The following KIAA0825 variants were observed in gnomAD, a reference collection of about 807,000 sequenced individuals.
KIAA0825 encodes the protein KIAA0825.
In KIAA0825, 119 loss-of-function variants were observed where a neutral mutation model predicts 147.6. That is an observed-to-expected ratio of 0.81 (90% CI 0.69 to 0.94). The LOEUF is 0.94. Ranked by LOEUF, KIAA0825 falls within the 40% of genes least tolerant of loss-of-function variation. The pLI, the probability that KIAA0825 is intolerant of heterozygous loss-of-function variation, is 0.00. For synonymous variants in KIAA0825, 470 were observed against 518.1 expected (o/e 0.91, Z 1.26); for missense variants, 1,381 against 1,472.7 (o/e 0.94, Z 1.02).
chr5:94,318,104 C>T (rs1415750599), intron 20 of KIAA0825, among the ~76,000 whole-genome samples: 1 of 151,174 alleles, frequency 6.6e-6, no homozygotes, highest in Non-Finnish European at 1.5e-5. Context: ...TAGTCAAAGG[C>T]AAAAATTAAA....
chr5:94,585,854 T>G (rs1427911460), intron 1 of KIAA0825, among the ~76,000 whole-genome samples: 1 of 152,158 alleles, frequency 6.6e-6, no homozygotes, highest in Non-Finnish European at 1.5e-5. Flanking sequence ...CACACCACAG[T>G]GCAATCAAAT....
chr5:94,438,951 C>CG (rs1756722430), intron 14 of KIAA0825, among the ~76,000 whole-genome samples: 1 of 152,122 alleles, frequency 6.6e-6, no homozygotes, highest in African/African-American at 2.4e-5. Flanking sequence ...AAGAGATTAG[C>CG]GTTAAGACAG....
At chr5:94,383,978 AGTT>A (rs1183683579) in intron 20 of KIAA0825, among the ~76,000 whole-genome samples, 4 of 152,174 alleles carry the variant, frequency 2.6e-5, no homozygotes, top group Admixed American at 6.5e-5. Context: ...GCATTCATTA[AGTT>A]GTTGTAAACA....
Position 94,439,973 on chromosome 5 carries a change from CAT to C in KIAA0825, c.2497+7_2497+8del. On this transcript the variant is annotated splice_region_variant and intron_variant, in intron 14 of 20. Coordinates refer to ENST00000682413, the MANE Select transcript of KIAA0825 (RefSeq NM_001145678.3). ...TTTCGAGGACATTCTTATAACTACA[CAT>C]ACTCACTTGAGCTCTTCAGCAAGAT... The C allele has an allele frequency of 6.5e-7, 1 of 1,550,366 alleles. No homozygotes were observed. Among genetic ancestry groups the C allele is most frequent in the Non-Finnish European group, 8.7e-7 (1 of 1,146,318 alleles).
intron 14 of KIAA0825, among the ~76,000 whole-genome samples, chr5:94,428,144 TGTGTGTG>T (rs1755154018): frequency 6.3e-4 from 1 of 1,588 alleles, no homozygotes; most frequent in Non-Finnish European, 2.6e-3. Context: ...AAGGTCTTGT[TGTGTGTG>T]TGTGTGTGTG....
chr5:94,435,061 T>C (rs1756161788), intron 14 of KIAA0825, among the ~76,000 whole-genome samples: 1 of 152,124 alleles, frequency 6.6e-6, no homozygotes, highest in African/African-American at 2.4e-5. Flanking sequence ...TTTTTATTCC[T>C]GAGACAATTT....
At chr5:94,426,377 T>C (rs1007465038) in intron 14 of KIAA0825, among the ~76,000 whole-genome samples, 2 of 152,114 alleles carry the variant, frequency 1.3e-5, no homozygotes, top group African/African-American at 4.8e-5. Flanking sequence ...TATTGAGCCA[T>C]AAAAATAATA....
chr5:94,451,465 C>T (rs1758391614), intron 13 of KIAA0825, among the ~76,000 whole-genome samples: 1 of 152,138 alleles, frequency 6.6e-6, no homozygotes, highest in South Asian at 2.1e-4. Flanking sequence ...TACTAAACTG[C>T]CCTCATGAAT....
At chr5:94,177,802 T>C (rs958026253) in intron 20 of KIAA0825, among the ~76,000 whole-genome samples, 7 of 152,130 alleles carry the variant, frequency 4.6e-5, no homozygotes, top group South Asian at 4.1e-4. Context: ...AAAATATTAG[T>C]GTGTAGAAAT....
At chr5:94,616,993 T>C (rs946235056) in intron 1 of KIAA0825, among the ~76,000 whole-genome samples, 7 of 152,236 alleles carry the variant, frequency 4.6e-5, no homozygotes, top group Non-Finnish European at 1.0e-4. Context: ...TGCCATTTAA[T>C]TGTATAATTT....
At chr5:94,207,583 C>T (rs1772321131) in intron 20 of KIAA0825, among the ~76,000 whole-genome samples, 1 of 152,198 alleles carries the variant, frequency 6.6e-6, no homozygotes. Context: ...TGCATATTCT[C>T]AAGTATCCTG....
At chr5:94,587,067 C>G (rs1001705926) in intron 1 of KIAA0825, among the ~76,000 whole-genome samples, 2 of 152,122 alleles carry the variant, frequency 1.3e-5, no homozygotes, top group African/African-American at 4.8e-5. Context: ...CTATTTATGA[C>G]AAACCTACAG....
At chr5:94,419,025 A>T (rs1448677655) in intron 14 of KIAA0825, among the ~76,000 whole-genome samples, 1 of 152,020 alleles carries the variant, frequency 6.6e-6, no homozygotes, top group Non-Finnish European at 1.5e-5. Flanking sequence ...GGTGTGCATC[A>T]CCACACCCAG....
chr5:94,418,551 C>G (rs1753774193), intron 14 of KIAA0825, among the ~76,000 whole-genome samples: 1 of 151,482 alleles, frequency 6.6e-6, no homozygotes, highest in African/African-American at 2.4e-5. Flanking sequence ...TAACCAAGGC[C>G]TGGCCAATCA....
chr5:94,319,491 T>C (rs1779962112), intron 20 of KIAA0825, among the ~76,000 whole-genome samples: 1 of 151,920 alleles, frequency 6.6e-6, no homozygotes, highest in Admixed American at 6.6e-5. Flanking sequence ...AAACGTAGTA[T>C]CTCCAAAAGA....
chr5:94,392,116 T>G (rs1749978059), intron 17 of KIAA0825, among the ~76,000 whole-genome samples: 1 of 152,240 alleles, frequency 6.6e-6, no homozygotes, highest in Non-Finnish European at 1.5e-5. Context: ...CTTTTGTAGC[T>G]TCCTCTTTAC....
At chr5:94,357,712 TCTG>T (rs1404447785) in intron 20 of KIAA0825, among the ~76,000 whole-genome samples, 1 of 152,224 alleles carries the variant, frequency 6.6e-6, no homozygotes, top group Non-Finnish European at 1.5e-5. Flanking sequence ...CTATGGCCTT[TCTG>T]AGCTTCACTG....
intron 20 of KIAA0825, among the ~76,000 whole-genome samples, chr5:94,335,903 A>G (rs541164292): frequency 6.6e-6 from 1 of 152,346 alleles, no homozygotes; most frequent in African/African-American, 2.4e-5. Context: ...AATATTTTAA[A>G]TAATCACTAA....
At chr5:94,329,165 A>C (rs949441121) in intron 20 of KIAA0825, among the ~76,000 whole-genome samples, 2 of 152,118 alleles carry the variant, frequency 1.3e-5, no homozygotes, top group African/African-American at 2.4e-5. Context: ...CAACAAAAAG[A>C]AGCACAGACA....
Sources: allele counts gnomAD v4.1 joint callset (sites outside exome capture counted in the v4.1 genomes callset), GRCh38; gene constraint gnomAD v4.1.1; transcripts MANE v1.5; gene names NCBI Gene and HGNC (gene_info 2026-07-23, HGNC 2026-07-21).